LRRN2: variants seen among roughly 807,000 people sequenced by gnomAD.
LRRN2 encodes the protein leucine rich repeat neuronal 2.
In LRRN2, 10 loss-of-function variants were observed where a neutral mutation model predicts 35.7. That is an observed-to-expected ratio of 0.28 (90% CI 0.17 to 0.47). LRRN2 has a LOEUF of 0.47. Ranked by LOEUF, LRRN2 falls within the 20% of genes least tolerant of loss-of-function variation. LRRN2 has a pLI of 0.99. For missense variants in LRRN2, 731 were observed against 940.3 expected (o/e 0.78, Z 2.91); for synonymous variants, 391 against 409.6 (o/e 0.95, Z 0.55).
At position 204,619,226 on chromosome 1, in the gene LRRN2, G is replaced by A; in HGVS notation, c.767C>T (p.Ala256Val). The change falls in exon 2 of 2, where the codon GCA becomes GTA. Residue 256 changes from alanine (A) to valine (V), a missense_variant. Transcript: ENST00000367177. ...CTTGAGCCCGGGCACCTGTTCCAGT[G>A]CCCGCCTGGGCACCCGGGCCAGCTG... ...DNQLARVPRR[A>V]LEQVPGLKFL... 1 of 1,614,082 alleles carries A rather than the reference G, an allele frequency of 6.2e-7. No individual in the cohort carries two copies. The highest frequency in any genetic ancestry group is 8.5e-7 in the Non-Finnish European group (1 of 1,180,024).
chr1:204,660,326 C>T (rs2102617310), intron 1 of LRRN2, among the ~76,000 whole-genome samples: 1 of 152,292 alleles, frequency 6.6e-6, no homozygotes, highest in Admixed American at 6.5e-5. Flanking sequence ...CTGTTGTCAT[C>T]CCCATCATCT....
chr1:204,619,632 T>C lies in LRRN2; in HGVS notation c.361A>G (p.Ser121Gly). The change falls in exon 2 of 2, where the codon AGC becomes GGC. Residue 121 changes from serine (S) to glycine (G), a missense_variant. Ser to Gly is a moderately conservative substitution (Grantham distance 56). This residue lies in a region of LRRN2 where 246 missense variants were observed against 289.5 expected (regional missense o/e 0.85). Coordinates refer to ENST00000367177, the MANE Select transcript of LRRN2 (RefSeq NM_201630.2). Reference protein sequence around the residue: ...CDFHALPQLLSLHLEENQLTR... With the variant: ...CDFHALPQLLGLHLEENQLTR... Reference sequence around the variant, plus strand: ...AGCTGGTTCTCCTCTAGGTGCAGGCTCAGCAGCTGGGGCAGGGCATGGAAA... The same window carrying C: ...AGCTGGTTCTCCTCTAGGTGCAGGCCCAGCAGCTGGGGCAGGGCATGGAAA... 6.2e-7 allele frequency: 1 copy of C among 1,614,204 alleles called. No individual in the cohort carries two copies. Among genetic ancestry groups the C allele is most frequent in the Non-Finnish European group, 8.5e-7 (1 of 1,180,036 alleles).
intron 1 of LRRN2, chr1:204,629,148 A>C (rs1287908827): frequency 6.6e-6 from 1 of 151,948 alleles, no homozygotes; most frequent in Non-Finnish European, 1.5e-5. Context: ...GGCGGGGGGA[A>C]GGGGAGGGAA....
chr1:204,633,960 G>T (rs1285457183), intron 1 of LRRN2, among the ~76,000 whole-genome samples: 1 of 152,232 alleles, frequency 6.6e-6, no homozygotes, highest in Non-Finnish European at 1.5e-5. Flanking sequence ...TCCAAGCCCA[G>T]TGTACCTGCT....
At chr1:204,667,596 A>G (rs1338115825) in intron 1 of LRRN2, among the ~76,000 whole-genome samples, 1 of 152,308 alleles carries the variant, frequency 6.6e-6, no homozygotes, top group East Asian at 1.9e-4. Flanking sequence ...AATCCAGCAG[A>G]AGAGAAAGAC....
intron 1 of LRRN2, among the ~76,000 whole-genome samples, chr1:204,684,095 G>T (rs1477525765): frequency 2.0e-5 from 3 of 152,180 alleles, no homozygotes; most frequent in Non-Finnish European, 4.4e-5. Context: ...GCGGGAAAGG[G>T]GGGCACGGAG....
chr1:204,665,998 AG>A (rs1031712136), intron 1 of LRRN2, among the ~76,000 whole-genome samples: 4 of 152,224 alleles, frequency 2.6e-5, no homozygotes, highest in African/African-American at 9.6e-5. Context: ...ACCTGCTGGG[AG>A]GGTGGTGGTA....
chr1:204,681,804 G>A (rs895465570), intron 1 of LRRN2, among the ~76,000 whole-genome samples: 1 of 152,192 alleles, frequency 6.6e-6, no homozygotes, highest in African/African-American at 2.4e-5. Flanking sequence ...TTTCTGACTC[G>A]TCCTTTCAGC....
chr1:204,648,619 C>T (rs905186582), intron 1 of LRRN2, among the ~76,000 whole-genome samples: 2 of 152,170 alleles, frequency 1.3e-5, no homozygotes, highest in Non-Finnish European at 2.9e-5. Flanking sequence ...GTCTTCTAGC[C>T]TCGCCCCCCC....
At chr1:204,630,964 C>T (rs997392382) in intron 1 of LRRN2, among the ~76,000 whole-genome samples, 1 of 151,880 alleles carries the variant, frequency 6.6e-6, no homozygotes, top group African/African-American at 2.4e-5. Flanking sequence ...TTCTCATCTG[C>T]AAAATGAGGG....
rs145298314 is a variant in LRRN2 at position 204,619,316 on chromosome 1, C to T, written c.677G>A (p.Arg226Gln). Residue 226 changes from arginine to glutamine, a missense_variant, in exon 2 of 2, where the codon CGG (arginine) becomes CAG (glutamine). Coordinates refer to ENST00000367177, the MANE Select transcript of LRRN2 (RefSeq NM_201630.2). ...CTCCAGGGCATAGTCGGAGATCTCC[C>T]GCAGGTTCATGCCTGCTAGCACCAG... ...RSLVLAGMNL[R>Q]EISDYALEGL... 209 of 1,614,186 alleles carry T rather than the reference C, an allele frequency of 1.3e-4. 1 individual carries two copies. Among genetic ancestry groups the T allele is most frequent in the African/African-American group, 3.7e-4 (28 of 75,066 alleles).
Position 204,630,549 on chromosome 1 carries a change from G to C in LRRN2, c.-226-10331C>G, listed in dbSNP as rs139478066. Among the ~76,000 whole-genome samples, 147 of 152,226 alleles carry C rather than the reference G, an allele frequency of 9.7e-4. 1 individual carries two copies. The Middle Eastern group carries it at 0.017, about 18-fold the overall frequency. On this transcript the variant is annotated intron_variant, in intron 1 of 1. Transcript: ENST00000367177. The stretch of plus-strand genomic sequence containing the variant: ...ACGCCGCGGAAGGAGTCCTGGTCTC[G>C]GGGGCGCTGCCTGCTCCCTGTCAGC...
rs760355386 is a variant in LRRN2 at position 204,617,827 on chromosome 1, C to G, written c.*24G>C. On this transcript the variant is annotated 3_prime_UTR_variant, in exon 2 of 2. Coordinates refer to ENST00000367177, the MANE Select transcript of LRRN2 (RefSeq NM_201630.2). Reference sequence around the variant, plus strand: ...GTAAAAAGTAGTCCTAGTGATTTCTCTACTGCTGAGAACAGGCTGAGCTTC... The same window carrying G: ...GTAAAAAGTAGTCCTAGTGATTTCTGTACTGCTGAGAACAGGCTGAGCTTC... 4 of 1,612,798 alleles carry G rather than the reference C, an allele frequency of 2.5e-6. No homozygotes were observed. The highest frequency in any genetic ancestry group is 2.7e-5 in the African/African-American group (2 of 74,884).
intron 1 of LRRN2, among the ~76,000 whole-genome samples, chr1:204,672,370 T>C (rs1405639651): frequency 6.6e-6 from 1 of 152,118 alleles, no homozygotes; most frequent in African/African-American, 2.4e-5. Flanking sequence ...AAGATAGGGC[T>C]CCCCAAGTGG....
At chr1:204,645,972 C>A (rs538836112) in intron 1 of LRRN2, among the ~76,000 whole-genome samples, 3 of 152,238 alleles carry the variant, frequency 2.0e-5, no homozygotes, top group Admixed American at 1.3e-4. Context: ...AGAGCCAAAC[C>A]ATATCACTAT....
chr1:204,629,047 G>C (rs76991050), intron 1 of LRRN2: 9,511 of 152,378 alleles, frequency 0.062, 848 homozygotes, highest in African/African-American at 0.19. Flanking sequence ...TCAGGTGGGG[G>C]TGCTGAACAG....
Position 204,675,338 on chromosome 1 carries a change from A to T in LRRN2, c.-227+9982T>A, listed in dbSNP as rs149448502. Among the ~76,000 whole-genome samples, 192 of 152,356 alleles carry T rather than the reference A, an allele frequency of 1.3e-3. 1 individual carries two copies. Among genetic ancestry groups the T allele is most frequent in the African/African-American group, 4.4e-3 (181 of 41,580 alleles). ...TAGTGGCTATAAACAACACAGATGTATTCTCTTACAGTTCTGGAGGCCAGA... is the reference window on the plus strand; with the variant it reads ...TAGTGGCTATAAACAACACAGATGTTTTCTCTTACAGTTCTGGAGGCCAGA... On this transcript the variant is annotated intron_variant, in intron 1 of 1. Coordinates refer to ENST00000367177, the MANE Select transcript of LRRN2 (RefSeq NM_201630.2).
chr1:204,638,851 AC>A (rs1667910839), intron 1 of LRRN2, among the ~76,000 whole-genome samples: 1 of 152,186 alleles, frequency 6.6e-6, no homozygotes, highest in Non-Finnish European at 1.5e-5. Context: ...GAAATCCCAG[AC>A]CAAAGAAGCT....
chr1:204,651,184 C>T (rs567543749), intron 1 of LRRN2, among the ~76,000 whole-genome samples: 1 of 152,272 alleles, frequency 6.6e-6, no homozygotes, highest in East Asian at 1.9e-4. Flanking sequence ...CCGAGGACCA[C>T]CCTCAGCTGC....
Sources: allele counts gnomAD v4.1 joint callset (sites outside exome capture counted in the v4.1 genomes callset), GRCh38; gene constraint gnomAD v4.1.1; regional missense constraint gnomAD v4.1.1; transcripts MANE v1.5; gene names NCBI Gene and HGNC (gene_info 2026-07-23, HGNC 2026-07-21).